Variants in TBC1D9 observed in about 807,000 individuals in gnomAD.
TBC1D9 encodes the protein TBC1 domain family member 9.
Under a neutral mutation model 132.0 loss-of-function variants are expected in TBC1D9, and 63 were observed. The ratio of observed to expected loss-of-function variants is 0.48; its 90% confidence interval spans 0.39 to 0.59. The LOEUF (loss-of-function observed/expected upper bound fraction) is 0.59, where lower values mean the gene tolerates loss of function less well. Among genes scored for constraint, TBC1D9 ranks in the 20% least tolerant of loss-of-function variants. The pLI is 0.00. For synonymous variants in TBC1D9, 610 were observed against 609.9 expected (o/e 1.00, Z 0.00); for missense variants, 1,261 against 1,592.7 (o/e 0.79, Z 3.54).
At chr4:140,677,846 T>G (rs1488187948) in intron 5 of TBC1D9, among the ~76,000 whole-genome samples, 1 of 152,194 alleles carries the variant, frequency 6.6e-6, no homozygotes, top group Non-Finnish European at 1.5e-5. Context: ...AAAAGGTATA[T>G]CAGGACACAC....
intron 1 of TBC1D9, among the ~76,000 whole-genome samples, chr4:140,751,024 A>G (rs991191413): frequency 1.3e-5 from 2 of 152,148 alleles, no homozygotes; most frequent in Admixed American, 1.3e-4. Context: ...ACTCTACTGT[A>G]AGTAGAGGAG....
intron 1 of TBC1D9, among the ~76,000 whole-genome samples, chr4:140,713,749 T>TAAAAA (rs11438285): frequency 6.1e-5 from 9 of 147,930 alleles, no homozygotes; most frequent in African/African-American, 2.2e-4. Context: ...GAAAAAGAAT[T>TAAAAA]AAAAAAAAAA....
chr4:140,640,618 A>C (rs900518625), intron 13 of TBC1D9, among the ~76,000 whole-genome samples: 1 of 152,188 alleles, frequency 6.6e-6, no homozygotes, highest in Non-Finnish European at 1.5e-5. Flanking sequence ...TGCAAGACTC[A>C]ATTTCCAAGC....
At chr4:140,691,438 G>T (rs1022421254) in intron 2 of TBC1D9, among the ~76,000 whole-genome samples, 1 of 152,186 alleles carries the variant, frequency 6.6e-6, no homozygotes, top group African/African-American at 2.4e-5. Context: ...AAGCTCCTTT[G>T]TCATGACCCT....
At chr4:140,724,434 C>T (rs148152862) in intron 1 of TBC1D9, among the ~76,000 whole-genome samples, 2 of 152,216 alleles carry the variant, frequency 1.3e-5, no homozygotes, top group African/African-American at 2.4e-5. Flanking sequence ...AGGTACACAG[C>T]GGCCATTTTC....
intron 1 of TBC1D9, among the ~76,000 whole-genome samples, chr4:140,719,345 TAG>T (rs1355344465): frequency 6.6e-6 from 1 of 152,156 alleles, no homozygotes; most frequent in Non-Finnish European, 1.5e-5. Flanking sequence ...TCAAAAACTG[TAG>T]AGTCTCTCAC....
At chr4:140,724,237 C>T (rs772740076) in intron 1 of TBC1D9, among the ~76,000 whole-genome samples, 7 of 152,182 alleles carry the variant, frequency 4.6e-5, no homozygotes, top group Non-Finnish European at 1.0e-4. Flanking sequence ...TTCTTTCTCA[C>T]CATCCACTCA....
At chr4:140,696,965 C>A (rs1459455893) in intron 2 of TBC1D9, among the ~76,000 whole-genome samples, 1 of 152,072 alleles carries the variant, frequency 6.6e-6, no homozygotes, top group African/African-American at 2.4e-5. Context: ...ATTAAATTTA[C>A]AAACAATAAG....
At position 140,659,615 on chromosome 4, in the gene TBC1D9, G is replaced by A. The variant is rs754804561; in HGVS notation, c.1894C>T (p.Pro632Ser). The A allele has an allele frequency of 3.1e-6, 5 of 1,602,080 alleles. No individual in the cohort carries two copies. In the African/African-American group the frequency reaches 6.7e-5, roughly 21 times the overall value. Residue 632 changes from proline to serine, a missense_variant, in exon 11 of 21, where the codon CCA becomes TCA. Around this residue, in one of 3 missense-constraint regions of TBC1D9, gnomAD observed 93 missense variants for 169.2 expected, o/e 0.55. Transcript: ENST00000442267. ...ACAACTCTGGTGTTGTAGTAATCTG[G>A]GAGCATGCGCTCACACAAAGCCACA... ...LLVALCERML[P>S]DYYNTRVVGA... is the part of the protein sequence containing the mutation.
intron 13 of TBC1D9, chr4:140,642,232 C>A: frequency 1.4e-6 from 1 of 725,444 alleles, no homozygotes; most frequent in Non-Finnish European, 2.5e-6. Flanking sequence ...AGGAATTCTT[C>A]GTCTTCCTCT....
intron 1 of TBC1D9, among the ~76,000 whole-genome samples, chr4:140,734,359 G>T (rs930182330): frequency 6.6e-6 from 1 of 152,074 alleles, no homozygotes; most frequent in South Asian, 2.1e-4. Context: ...TGAACTCCTG[G>T]GCTCAAGCTA....
intron 13 of TBC1D9, among the ~76,000 whole-genome samples, chr4:140,655,188 TCTTC>T (rs1046304550): frequency 6.6e-6 from 1 of 152,176 alleles, no homozygotes; most frequent in African/African-American, 2.4e-5. Flanking sequence ...TTTATTTTTT[TCTTC>T]CTATTTCCCT....
At chr4:140,736,105 C>A (rs1231289229) in intron 1 of TBC1D9, among the ~76,000 whole-genome samples, 1 of 151,832 alleles carries the variant, frequency 6.6e-6, no homozygotes, top group East Asian at 1.9e-4. Context: ...CTACATGATA[C>A]CTCCCTAGAA....
At chr4:140,713,236 C>A (rs1294333702) in intron 1 of TBC1D9, among the ~76,000 whole-genome samples, 1 of 152,060 alleles carries the variant, frequency 6.6e-6, no homozygotes, top group Admixed American at 6.6e-5. Context: ...CCTCATGGGC[C>A]TTCCACTGAG....
In TBC1D9 at chr4:140,756,076, G is replaced by A. The variant is rs777922758; in HGVS notation, c.-31C>T. ...TGGCTGCCGCGGGCGGGCGCACAATGGGCCCGTGGGTCCAGTCCTGCACCC... is the reference window on the plus strand; with the variant it reads ...TGGCTGCCGCGGGCGGGCGCACAATAGGCCCGTGGGTCCAGTCCTGCACCC... On this transcript the variant is annotated 5_prime_UTR_variant, in exon 1 of 21. Transcript: ENST00000442267. The surrounding 1 kb of genome is among the most constrained non-coding windows in gnomAD (Gnocchi z 5.6). The A allele has an allele frequency of 6.3e-7, 1 of 1,594,852 alleles. No individual in the cohort carries two copies. The highest frequency in any genetic ancestry group is 1.1e-5 in the South Asian group (1 of 89,754).
intron 1 of TBC1D9, among the ~76,000 whole-genome samples, chr4:140,721,037 C>T (rs1045229781): frequency 3.9e-5 from 6 of 152,248 alleles, no homozygotes; most frequent in South Asian, 2.1e-4. Flanking sequence ...AGAAGGTTCC[C>T]GGACTTGCAC....
At chr4:140,729,629 C>A (rs1738555903) in intron 1 of TBC1D9, among the ~76,000 whole-genome samples, 1 of 151,922 alleles carries the variant, frequency 6.6e-6, no homozygotes, top group South Asian at 2.1e-4. Flanking sequence ...ACCATCCTGG[C>A]CAACATGGTG....
At chr4:140,738,035 A>C (rs1738702121) in intron 1 of TBC1D9, among the ~76,000 whole-genome samples, 1 of 152,232 alleles carries the variant, frequency 6.6e-6, no homozygotes, top group Non-Finnish European at 1.5e-5. Context: ...GAAAACTTTA[A>C]TAATAATTTT....
At chr4:140,658,349 C>T (rs893754649) in intron 11 of TBC1D9, among the ~76,000 whole-genome samples, 5 of 152,126 alleles carry the variant, frequency 3.3e-5, no homozygotes, top group Non-Finnish European at 7.4e-5. Context: ...GTACTAAATA[C>T]TGTAGGCAAC....
Sources: gnomAD v4.1 joint callset for allele counts (sites outside exome capture counted in the v4.1 genomes callset) on GRCh38, gnomAD v4.1.1 for gene constraint, gnomAD v4.1.1 regional missense constraint, Gnocchi (gnomAD v3.1) non-coding constraint, MANE v1.5 for transcripts, NCBI Gene and HGNC (gene_info 2026-07-23, HGNC 2026-07-21) for gene names.